The following RAPGEF1 variants were observed in gnomAD, a reference collection of about 807,000 sequenced individuals.
The protein encoded by RAPGEF1 is CRK SH3-binding GNRP.
Under a neutral mutation model 143.3 loss-of-function variants are expected in RAPGEF1, and 33 were observed. That is an observed-to-expected ratio of 0.23 (90% CI 0.17 to 0.31). The LOEUF (loss-of-function observed/expected upper bound fraction) is 0.31. Ranked by LOEUF, RAPGEF1 falls within the 10% of genes least tolerant of loss-of-function variation. The probability of loss-of-function intolerance (pLI) is 1.00; values close to 1 mark genes in which losing one functional copy is unlikely to be tolerated. For synonymous variants in RAPGEF1, 629 were observed against 676.5 expected, an observed-to-expected ratio of 0.93 and a Z score of 1.09; for missense variants, 1,199 against 1,645.4, an observed-to-expected ratio of 0.73 and a Z score of 4.69.
intron 1 of RAPGEF1, among the ~76,000 whole-genome samples, chr9:131,672,049 G>A (rs950080086): frequency 6.6e-6 from 1 of 152,164 alleles, no homozygotes; most frequent in African/African-American, 2.4e-5. Context: ...GCTGCTGTAG[G>A]TTAGGGGTCA....
In RAPGEF1 at chr9:131,604,044, C is replaced by T. The variant is rs766617228; in HGVS notation, c.2329G>A (p.Ala777Thr). ...TCACCCTCACCAGCTTCCTCACTGGCGTTTTCACTCTGGGGGAGACAGGAC... is the reference window on the plus strand; with the variant it reads ...TCACCCTCACCAGCTTCCTCACTGGTGTTTTCACTCTGGGGGAGACAGGAC... ...ETSFTDSSENASEEAGEGEYV... is the reference protein window; with the variant it reads ...ETSFTDSSENTSEEAGEGEYV... The change falls in exon 14 of 27, where the codon GCC (alanine) becomes ACC (threonine). Residue 777 changes from alanine (A) to threonine (T), a missense_variant. Around this residue, in one of 6 missense-constraint regions of RAPGEF1, gnomAD observed 293 missense variants for 356.2 expected, o/e 0.82. Coordinates refer to ENST00000683357, the MANE Select transcript of RAPGEF1 (RefSeq NM_001377935.1). 6 of 1,330,474 alleles carry T rather than the reference C, an allele frequency of 4.5e-6. No individual in the cohort carries two copies. Among genetic ancestry groups the T allele is most frequent in the African/African-American group, 4.5e-5 (3 of 67,078 alleles). The allele number at this position is 1,330,474 out of a possible 1,614,324, so 82.4% of individuals were successfully genotyped here.
At position 131,583,196 on chromosome 9, in the gene RAPGEF1, G is replaced by A. The variant is rs1952154022; in HGVS notation, c.3415-494C>T. 6.6e-6 allele frequency among the ~76,000 whole-genome samples: 1 copy of A among 152,076 alleles called. No homozygotes were observed. The highest frequency in any genetic ancestry group is 2.1e-4 in the South Asian group (1 of 4,818). ...GGTGGCTTCTCTCCTGCAGGGGTGG[G>A]GGGCTCCCACCTAGGAGACTCAGCC... On this transcript the variant is annotated intron_variant, in intron 24 of 26. Transcript: ENST00000683357. The surrounding 1 kb of genome is among the most constrained non-coding windows in gnomAD (Gnocchi z 4.7).
At chr9:131,704,233 G>T (rs974044351) in intron 1 of RAPGEF1, among the ~76,000 whole-genome samples, 1 of 150,584 alleles carries the variant, frequency 6.6e-6, no homozygotes, top group African/African-American at 2.5e-5. Context: ...ATATTAATTA[G>T]CTGGCACACG....
In RAPGEF1 at chr9:131,584,623, A is replaced by C; in HGVS notation, c.3234-27T>G. ...TGCATGGACCAAGGGAAAAAGAAAC[A>C]GCTGAGTTGACAAGTCCCTGCAGGT... On this transcript the variant is annotated intron_variant, in intron 22 of 26. Coordinates refer to ENST00000683357, the MANE Select transcript of RAPGEF1 (RefSeq NM_001377935.1). This position sits in a 1 kb window ranked among gnomAD's most constrained non-coding sequence, Gnocchi z 6.8. 6.2e-7 allele frequency: 1 copy of C among 1,611,324 alleles called. No individual in the cohort carries two copies. Among genetic ancestry groups the C allele is most frequent in the Non-Finnish European group, 8.5e-7 (1 of 1,177,476 alleles).
intron 1 of RAPGEF1, among the ~76,000 whole-genome samples, chr9:131,728,281 T>C (rs1309893726): frequency 2.6e-5 from 4 of 152,232 alleles, no homozygotes; most frequent in African/African-American, 9.6e-5. Flanking sequence ...GAATGTCTTG[T>C]GGTTTTTAAC....
intron 12 of RAPGEF1, among the ~76,000 whole-genome samples, chr9:131,616,356 C>CTTCA (rs1959009598): frequency 6.6e-6 from 1 of 152,182 alleles, no homozygotes; most frequent in Non-Finnish European, 1.5e-5. Flanking sequence ...TCTGCGCAGG[C>CTTCA]TTCATGCCCG....
chr9:131,666,766 C>T (rs779446599), intron 1 of RAPGEF1, among the ~76,000 whole-genome samples: 6 of 152,128 alleles, frequency 3.9e-5, no homozygotes, highest in Non-Finnish European at 7.3e-5. Context: ...GAGCTATTTA[C>T]CTTCTTTTTC....
chr9:131,691,925 T>C (rs1196959603), intron 1 of RAPGEF1, among the ~76,000 whole-genome samples: 1 of 152,240 alleles, frequency 6.6e-6, no homozygotes, highest in East Asian at 1.9e-4. Context: ...GTTATACTCT[T>C]ATGAACAAAA....
intron 20 of RAPGEF1, 145 bp from the exon 21 acceptor site, chr9:131,588,171 A>T: frequency 1.5e-6 from 1 of 685,212 alleles, no homozygotes; most frequent in Non-Finnish European, 2.5e-6. Flanking sequence ...AAGCCCCAAA[A>T]GGCTCCCTGG....
intron 1 of RAPGEF1, among the ~76,000 whole-genome samples, chr9:131,653,151 G>A (rs1419385944): frequency 6.6e-6 from 1 of 152,158 alleles, no homozygotes; most frequent in Non-Finnish European, 1.5e-5. Context: ...CCTCTGCGGG[G>A]ATCAAAATCC....
intron 4 of RAPGEF1, among the ~76,000 whole-genome samples, chr9:131,642,562 C>T (rs1269043894): frequency 6.6e-6 from 1 of 152,190 alleles, no homozygotes; most frequent in Non-Finnish European, 1.5e-5. Context: ...TGCTTTAAAC[C>T]CACCAATTAA....
intron 3 of RAPGEF1, among the ~76,000 whole-genome samples, chr9:131,647,078 C>T (rs547498449): frequency 6.6e-6 from 1 of 152,302 alleles, no homozygotes; most frequent in African/African-American, 2.4e-5. Context: ...TACCTTTGGA[C>T]ACCCAGTATA....
intron 12 of RAPGEF1, among the ~76,000 whole-genome samples, chr9:131,613,948 C>T (rs748733392): frequency 2.0e-5 from 3 of 152,140 alleles, no homozygotes; most frequent in Non-Finnish European, 4.4e-5. Context: ...CAGGAGTCAA[C>T]GGTGTGAAAT....
chr9:131,698,142 G>A (rs542690033), intron 1 of RAPGEF1, among the ~76,000 whole-genome samples: 1 of 152,198 alleles, frequency 6.6e-6, no homozygotes, highest in Non-Finnish European at 1.5e-5. Flanking sequence ...TCCAATCCCC[G>A]CACAGTAAAC....
intron 12 of RAPGEF1, among the ~76,000 whole-genome samples, chr9:131,613,048 AAGC>A (rs1392879367): frequency 6.6e-6 from 1 of 152,190 alleles, no homozygotes; most frequent in Non-Finnish European, 1.5e-5. Flanking sequence ...TGACACAGGA[AAGC>A]AGCAGCCTCC....
chr9:131,587,180 TCAAACA>T (rs1398511025), intron 22 of RAPGEF1, among the ~76,000 whole-genome samples: 1 of 82,138 alleles, frequency 1.2e-5, no homozygotes. Context: ...AGACTCCGTC[TCAAACA>T]CACACACACA....
chr9:131,650,034 T>C lies in RAPGEF1; in HGVS notation c.315+95A>G. 1 of 964,514 alleles carries C rather than the reference T, an allele frequency of 1.0e-6. No homozygotes were observed. The highest frequency in any genetic ancestry group is 1.6e-6 in the Non-Finnish European group (1 of 640,822). 59.7% of individuals were successfully genotyped at this position (964,514 alleles called of 1,614,324 possible). On this transcript the variant is annotated intron_variant, in intron 3 of 26. Transcript: ENST00000683357. The surrounding 1 kb of genome is among the most constrained non-coding windows in gnomAD (Gnocchi z 4.7). ...GTCACCACCCAGTTGAACATAATAA[T>C]AGTGCAATAGAGTTTTTTCCATCCC...
chr9:131,625,787 C>T, intron 10 of RAPGEF1, 135 bp downstream of exon 10: 1 of 1,218,020 alleles, frequency 8.2e-7, no homozygotes. Flanking sequence ...CCAGAAGTGT[C>T]CACATACCTG....
intron 17 of RAPGEF1, among the ~76,000 whole-genome samples, chr9:131,592,719 A>T (rs1009975014): frequency 6.6e-6 from 1 of 151,692 alleles, no homozygotes; most frequent in South Asian, 2.1e-4. Flanking sequence ...CTGAAATGAA[A>T]CCCTAGGCTT....
Sources: allele counts gnomAD v4.1 joint callset (sites outside exome capture counted in the v4.1 genomes callset), GRCh38; gene constraint gnomAD v4.1.1; regional missense constraint gnomAD v4.1.1; non-coding constraint Gnocchi (gnomAD v3.1); transcripts MANE v1.5; gene names NCBI Gene and HGNC (gene_info 2026-07-23, HGNC 2026-07-21).